Variants in RUFY4 observed in about 807,000 individuals in gnomAD.
The protein encoded by RUFY4 is RUN and FYVE domain-containing protein 4.
Under a neutral mutation model 69.0 loss-of-function variants are expected in RUFY4, and 73 were observed. The ratio of observed to expected loss-of-function variants is 1.06; its 90% confidence interval spans 0.88 to 1.29. The LOEUF is 1.29. RUFY4 is among the 50% of genes most tolerant of loss of function. The pLI, the probability that RUFY4 is intolerant of heterozygous loss-of-function variation, is 0.00. For missense variants in RUFY4, 770 were observed against 705.6 expected (o/e 1.09, Z -1.03); for synonymous variants, 287 against 271.8 (o/e 1.06, Z -0.55).
intron 2 of RUFY4, among the ~76,000 whole-genome samples, chr2:218,055,713 A>G (rs1689045639): frequency 6.6e-6 from 1 of 152,286 alleles, no homozygotes; most frequent in Non-Finnish European, 1.5e-5. Flanking sequence ...ACAACTTAAT[A>G]TACATTTCAA....
chr2:218,089,747 G>C, intron 10 of RUFY4: 1 of 704,928 alleles, frequency 1.4e-6, no homozygotes, highest in Non-Finnish European at 2.6e-6. Context: ...CCATGTGGAG[G>C]TGGAGGCTCT....
At chr2:218,080,892 C>T (rs1410456802) in intron 8 of RUFY4, among the ~76,000 whole-genome samples, 1 of 152,090 alleles carries the variant, frequency 6.6e-6, no homozygotes, top group Non-Finnish European at 1.5e-5. Context: ...GATTTCTGCC[C>T]CCTCCACTCA....
intron 3 of RUFY4, among the ~76,000 whole-genome samples, chr2:218,062,886 A>G (rs1209890634): frequency 6.6e-6 from 1 of 152,164 alleles, no homozygotes; most frequent in Non-Finnish European, 1.5e-5. Context: ...ATAAGAGGGA[A>G]CGGCGGCAGG....
chr2:218,073,293 A>G (rs1365634640), exon 5 of RUFY4: 2 of 1,556,790 alleles, frequency 1.3e-6, no homozygotes, highest in Non-Finnish European at 1.7e-6. Context: ...CGCCAAGAAG[A>G]CATCCTGGAC....
At chr2:218,046,340 C>G (rs1170338286) in intron 2 of RUFY4, among the ~76,000 whole-genome samples, 1 of 151,664 alleles carries the variant, frequency 6.6e-6, no homozygotes, top group Non-Finnish European at 1.5e-5. Flanking sequence ...AGTGTAGTCT[C>G]TCACTACTCC....
chr2:218,036,624 C>T (rs1958983802), intron 2 of RUFY4, among the ~76,000 whole-genome samples: 1 of 152,194 alleles, frequency 6.6e-6, no homozygotes, highest in Non-Finnish European at 1.5e-5. Flanking sequence ...CTCAAGTTAC[C>T]CACAGAAGCT....
intron 9 of RUFY4, among the ~76,000 whole-genome samples, chr2:218,084,819 G>A (rs1271012154): frequency 6.6e-6 from 1 of 152,132 alleles, no homozygotes; most frequent in African/African-American, 2.4e-5. Flanking sequence ...AAGGTGAGGT[G>A]GATGAATCAC....
At chr2:218,090,019 C>T (rs866919891) in exon 11 of RUFY4, 1 of 1,562,330 alleles carries the variant, frequency 6.4e-7, no homozygotes, top group Non-Finnish European at 8.7e-7. Flanking sequence ...CTGCTGCCCA[C>T]CCTGCGCCCA....
At chr2:218,043,336 G>C (rs952513133) in intron 2 of RUFY4, among the ~76,000 whole-genome samples, 3 of 152,004 alleles carry the variant, frequency 2.0e-5, no homozygotes, top group Non-Finnish European at 4.4e-5. Flanking sequence ...CTCTGCAGCT[G>C]GTCATCCAGT....
chr2:218,084,367 G>A (rs969903286), intron 9 of RUFY4, among the ~76,000 whole-genome samples: 1 of 152,072 alleles, frequency 6.6e-6, no homozygotes. Context: ...AAGTAGCTGG[G>A]ACTACAGGTG....
upstream of RUFY4, among the ~76,000 whole-genome samples, chr2:218,068,084 G>A (rs1689386570): frequency 7.7e-6 from 1 of 130,418 alleles, no homozygotes; most frequent in South Asian, 2.7e-4. Flanking sequence ...CTCAGACCTG[G>A]AGGAGGGCAG....
At chr2:218,073,016 A>T in intron 4 of RUFY4, 131 bp downstream of exon 6, 1 of 975,926 alleles carries the variant, frequency 1.0e-6, no homozygotes, top group Non-Finnish European at 1.5e-6. Context: ...ATGAAGGAAA[A>T]ATCAAGGGAG....
intron 2 of RUFY4, among the ~76,000 whole-genome samples, chr2:218,040,915 G>T (rs1461771025): frequency 1.3e-5 from 2 of 151,920 alleles, no homozygotes; most frequent in Admixed American, 1.3e-4. Context: ...GTAGAATCAG[G>T]ATAGAATGAG....
Position 218,070,595 on chromosome 2 carries a change from T to C in RUFY4, c.-11T>C, listed in dbSNP as rs889635997. ...CCAAGTTGCAAGGAATCACATCATT[T>C]CCAAGTACCCATGGCAGAAGAGGGA... On this transcript the variant is annotated 5_prime_UTR_variant, in exon 1 of 11. Transcript: ENST00000344321. 3.9e-6 allele frequency: 6 copies of C among 1,537,210 alleles called. No individual in the cohort carries two copies. In the African/African-American group the frequency reaches 8.2e-5, roughly 21 times the overall value.
intron 2 of RUFY4, among the ~76,000 whole-genome samples, chr2:218,040,804 G>A (rs1025983999): frequency 1.3e-5 from 2 of 152,088 alleles, no homozygotes; most frequent in African/African-American, 4.8e-5. Context: ...AGGTCTGGCA[G>A]CAAATAAAAG....
In RUFY4 at chr2:218,062,513, C is replaced by T. The variant is rs1689223529; in HGVS notation, c.-1071+3832C>T. On this transcript the variant is annotated intron_variant and NMD_transcript_variant, in intron 3 of 13. Transcript: ENST00000457754. ...GGATTGCCTGAGCAGGAGTTCGTGA[C>T]CAGCCTGGGCAACACGGTGAAACCC... 2.0e-5 allele frequency among the ~76,000 whole-genome samples: 3 copies of T among 151,954 alleles called. No homozygotes were observed. In the South Asian group the frequency reaches 6.2e-4, roughly 31 times the overall value.
At chr2:218,053,684 G>A (rs1334773453) in intron 2 of RUFY4, among the ~76,000 whole-genome samples, 1 of 151,518 alleles carries the variant, frequency 6.6e-6, no homozygotes, top group Non-Finnish European at 1.5e-5. Context: ...TAATTTTTTT[G>A]TATTTTTTGT....
At chr2:218,035,169 A>G (rs1958954549) in exon 1 of RUFY4, 2 of 152,404 alleles carry the variant, frequency 1.3e-5, no homozygotes, top group African/African-American at 4.8e-5. Context: ...TGCCCCAGCC[A>G]GCCAGGCTCT....
At chr2:218,079,370 A>C (rs1689709291) in intron 8 of RUFY4, among the ~76,000 whole-genome samples, 1 of 152,206 alleles carries the variant, frequency 6.6e-6, no homozygotes, top group African/African-American at 2.4e-5. Context: ...GTATGAAAGA[A>C]AGACAGAAGT....
Sources: gnomAD v4.1 joint callset for allele counts (sites outside exome capture counted in the v4.1 genomes callset) on GRCh38, gnomAD v4.1.1 for gene constraint, MANE v1.5 for transcripts, NCBI Gene and HGNC (gene_info 2026-07-23, HGNC 2026-07-21) for gene names.